Variants in WDR17 observed in about 807,000 individuals in gnomAD.
WDR17 encodes the protein WD repeat domain 17.
In WDR17, 143 loss-of-function variants were observed where a neutral mutation model predicts 161.7. The observed-to-expected ratio is 0.88, with a 90% CI of 0.77 to 1.02. The LOEUF (loss-of-function observed/expected upper bound fraction) is 1.02. WDR17 is among the 50% of genes least tolerant of loss of function. WDR17 has a pLI of 0.00. For missense variants in WDR17, 1,469 were observed against 1,520.9 expected (o/e 0.97, Z 0.57); for synonymous variants, 517 against 515.6 (o/e 1.00, Z -0.04).
At chr4:176,145,894 GC>G (rs1746079455) in intron 11 of WDR17, 100 bp from the exon 12 acceptor site, 1 of 1,110,286 alleles carries the variant, frequency 9.0e-7, no homozygotes. Flanking sequence ...CACTAAGGAA[GC>G]AAAAATTCTA....
At chr4:176,135,038 C>T (rs1332206753) in intron 7 of WDR17, 70 bp from the exon 8 acceptor site, 4 of 1,467,386 alleles carry the variant, frequency 2.7e-6, no homozygotes, top group Non-Finnish European at 3.8e-6. Context: ...TTTGAGTAAA[C>T]ATTGTGGTTC....
At chr4:176,069,333 T>TA (rs1263223006) in intron 1 of WDR17, among the ~76,000 whole-genome samples, 4 of 152,082 alleles carry the variant, frequency 2.6e-5, no homozygotes, top group Non-Finnish European at 5.9e-5. Flanking sequence ...AGCTGTCTTA[T>TA]AAAATTCTGT....
At chr4:176,137,423 C>T in intron 8 of WDR17, 97 bp from the exon 9 acceptor site, 1 of 906,662 alleles carries the variant, frequency 1.1e-6, no homozygotes, top group South Asian at 1.7e-5. Context: ...AACTAGTCTG[C>T]AAATCACAGT....
At position 176,151,966 on chromosome 4, in the gene WDR17, A is replaced by G; in HGVS notation, c.2459A>G (p.Glu820Gly). 2 of 1,611,564 alleles carry G rather than the reference A, an allele frequency of 1.2e-6. No homozygotes were observed. The highest frequency in any genetic ancestry group is 1.7e-6 in the Non-Finnish European group (2 of 1,179,328). ...TGTGAACTTATGGTTGAACTTGGAG[A>G]GGTAATGTGCTATGAAAGTAAAACT... ...RYCELMVELG[E>G]WDKALSIAPG... The change falls in exon 17 of 29, where the codon GAG becomes GGG. Residue 820 changes from glutamate (E) to glycine (G), a missense_variant and splice_region_variant. Transcript: ENST00000508596.
chr4:176,166,266 G>C, intron 22 of WDR17: 1 of 318,964 alleles, frequency 3.1e-6, no homozygotes, highest in Non-Finnish European at 5.8e-6. Context: ...TTATTTTATG[G>C]TATGCCAATT....
At chr4:176,170,665 G>A (rs1395080187) in intron 23 of WDR17, among the ~76,000 whole-genome samples, 1 of 152,182 alleles carries the variant, frequency 6.6e-6, no homozygotes, top group Non-Finnish European at 1.5e-5. Context: ...AATATAGGCA[G>A]TTAGCTAAGA....
chr4:176,126,214 T>G (rs1232628295), intron 5 of WDR17, among the ~76,000 whole-genome samples: 1 of 152,174 alleles, frequency 6.6e-6, no homozygotes, highest in Non-Finnish European at 1.5e-5. Context: ...TGGATACTCC[T>G]TCATGCTTTC....
chr4:176,174,156 T>A (rs959346997), intron 25 of WDR17, among the ~76,000 whole-genome samples: 2 of 152,096 alleles, frequency 1.3e-5, no homozygotes, highest in African/African-American at 4.8e-5. Context: ...GACTCTTGTA[T>A]AATTTACAAG....
intron 1 of WDR17, chr4:176,098,058 A>G (rs2126649651): frequency 6.6e-6 from 1 of 152,102 alleles, no homozygotes; most frequent in South Asian, 2.1e-4. Context: ...TTAAGTATTG[A>G]CCAGCTCTCA....
chr4:176,088,578 G>A (rs1227657694), intron 1 of WDR17, among the ~76,000 whole-genome samples: 1 of 152,176 alleles, frequency 6.6e-6, no homozygotes, highest in Non-Finnish European at 1.5e-5. Context: ...AGGCCTTTCA[G>A]AACATGATAG....
chr4:176,083,737 G>A (rs1039470754), intron 1 of WDR17, among the ~76,000 whole-genome samples: 1 of 152,086 alleles, frequency 6.6e-6, no homozygotes, highest in African/African-American at 2.4e-5. Flanking sequence ...TTTGTTCGGC[G>A]TTAGAGGATT....
At chr4:176,107,933 TC>T (rs1739043362) in intron 1 of WDR17, among the ~76,000 whole-genome samples, 2 of 149,658 alleles carry the variant, frequency 1.3e-5, no homozygotes, top group Non-Finnish European at 1.5e-5. Context: ...CTTTTTTCCT[TC>T]CTTCCTTCCT....
At chr4:176,142,352 G>T (rs1051607592) in intron 11 of WDR17, among the ~76,000 whole-genome samples, 1 of 152,112 alleles carries the variant, frequency 6.6e-6, no homozygotes, top group Non-Finnish European at 1.5e-5. Flanking sequence ...ATGGAAATGA[G>T]TCCATTGCAT....
At chr4:176,070,618 A>T (rs949520586) in intron 1 of WDR17, among the ~76,000 whole-genome samples, 1 of 151,582 alleles carries the variant, frequency 6.6e-6, no homozygotes. Flanking sequence ...GGCTCAATCA[A>T]TCCCCCCACA....
intron 1 of WDR17, among the ~76,000 whole-genome samples, chr4:176,095,583 A>T (rs1736721715): frequency 6.6e-6 from 1 of 151,996 alleles, no homozygotes; most frequent in East Asian, 1.9e-4. Flanking sequence ...CAAATTACAA[A>T]CATTGTAATT....
At chr4:176,162,241 A>G in intron 21 of WDR17, 67 bp downstream of exon 21, 1 of 1,413,936 alleles carries the variant, frequency 7.1e-7, no homozygotes, top group Non-Finnish European at 9.8e-7. Flanking sequence ...GTTTGAGAGG[A>G]AAAGATATGG....
intron 2 of WDR17, among the ~76,000 whole-genome samples, chr4:176,113,806 G>A (rs1740166765): frequency 6.6e-6 from 1 of 151,962 alleles, no homozygotes; most frequent in Non-Finnish European, 1.5e-5. Flanking sequence ...TTTTCTGAAT[G>A]ATTAAATGAT....
chr4:176,074,810 C>A (rs935763179), intron 1 of WDR17, among the ~76,000 whole-genome samples: 3 of 79,200 alleles, frequency 3.8e-5, no homozygotes, highest in Non-Finnish European at 6.8e-5. Flanking sequence ...TTTTTTAATG[C>A]TTTTTTTTTT....
chr4:176,095,962 G>T (rs1736791991), intron 1 of WDR17, among the ~76,000 whole-genome samples: 2 of 152,050 alleles, frequency 1.3e-5, no homozygotes, highest in African/African-American at 2.4e-5. Flanking sequence ...GTATTAAATG[G>T]TGTCTTTAAA....
Sources: gnomAD v4.1 joint callset for allele counts (sites outside exome capture counted in the v4.1 genomes callset) on GRCh38, gnomAD v4.1.1 for gene constraint, MANE v1.5 for transcripts, NCBI Gene and HGNC (gene_info 2026-07-23, HGNC 2026-07-21) for gene names.